Variants in EPHB4 observed in about 807,000 individuals in gnomAD.
EPHB4 encodes the protein EPH receptor B4.
EPHB4 carries 50 observed loss-of-function variants against 110.6 expected under a neutral mutation model. The ratio of observed to expected loss-of-function variants is 0.45; its 90% CI spans 0.36 to 0.57. The LOEUF is 0.57. Ranked by LOEUF, EPHB4 falls within the 20% of genes least tolerant of loss-of-function variation. EPHB4 has a pLI of 0.00. For missense variants in EPHB4, 1,128 were observed against 1,382.1 expected (o/e 0.82, Z 2.91); for synonymous variants, 592 against 578.4 (o/e 1.02, Z -0.34).
intron 12 of EPHB4, 139 bp downstream of exon 12, chr7:100,812,608 G>C (rs1812961904): frequency 1.6e-6 from 2 of 1,233,026 alleles, no homozygotes; most frequent in African/African-American, 1.5e-5. Flanking sequence ...AAAAGGCAGA[G>C]GACCAGGGCT....
At chr7:100,826,926 G>A (rs867337257) in intron 1 of EPHB4, 53 bp downstream of exon 1, 2 of 1,535,578 alleles carry the variant, frequency 1.3e-6, no homozygotes, top group Non-Finnish European at 1.8e-6. Flanking sequence ...CCAGATGTTG[G>A]GGGGGAGGTC....
Position 100,823,630 on chromosome 7 carries a change from G to C in EPHB4, c.411+14C>G. The C allele has an allele frequency of 6.2e-7, 1 of 1,608,648 alleles. No homozygotes were observed. Among genetic ancestry groups the C allele is most frequent in the Non-Finnish European group, 8.5e-7 (1 of 1,176,746 alleles). On this transcript the variant is annotated intron_variant, in intron 3 of 16. Coordinates refer to ENST00000358173, the MANE Select transcript of EPHB4 (RefSeq NM_004444.5). Reference sequence around the variant, plus strand: ...CACCTTGGCTGTGGCTGAGCCCTGGGGGCACCCAGGTACCTTGATGTAGGG... The same window carrying C: ...CACCTTGGCTGTGGCTGAGCCCTGGCGGCACCCAGGTACCTTGATGTAGGG...
In EPHB4 at chr7:100,822,090, C is replaced by T. The variant is rs551394043; in HGVS notation, c.808+181G>A. Among the ~76,000 whole-genome samples, 8 of 152,190 alleles carry T rather than the reference C, an allele frequency of 5.3e-5. No individual in the cohort carries two copies. The South Asian group carries it at 1.0e-3, about 20-fold the overall frequency. ...CAGGAGAACTGCTTGAACAGGGACCCGGGAGGCAAAGGTTGCAGTTGAGCA... is the reference window on the plus strand; with the variant it reads ...CAGGAGAACTGCTTGAACAGGGACCTGGGAGGCAAAGGTTGCAGTTGAGCA... On this transcript the variant is annotated intron_variant, in intron 4 of 16. Transcript: ENST00000358173. This position sits in a 1 kb window ranked among gnomAD's most constrained non-coding sequence, Gnocchi z 4.7.
chr7:100,813,968 C>A lies in EPHB4; in HGVS notation c.1642G>T (p.Gly548Cys). Reference protein sequence around the residue: ...LALIAGTAVVGVVLVLVVIVV... With the variant: ...LALIAGTAVVCVVLVLVVIVV... Reference sequence around the variant, plus strand: ...ATGACCACCAGGACCAGGACCACACCCACGACTGCCGTGCCCGCAATCAGG... The same window carrying A: ...ATGACCACCAGGACCAGGACCACACACACGACTGCCGTGCCCGCAATCAGG... The change falls in exon 9 of 17, where the codon GGT (glycine) becomes TGT (cysteine). Residue 548 changes from glycine to cysteine, a missense_variant. Gly to Cys is a radical substitution (Grantham distance 159, BLOSUM62 -3). Around this residue, in one of 3 missense-constraint regions of EPHB4, gnomAD observed 728 missense variants for 828.6 expected, o/e 0.88. Transcript: ENST00000358173. 6.2e-7 allele frequency: 1 copy of A among 1,614,150 alleles called. No homozygotes were observed. Among genetic ancestry groups the A allele is most frequent in the Non-Finnish European group, 8.5e-7 (1 of 1,180,026 alleles).
At position 100,820,272 on chromosome 7, in the gene EPHB4, G is replaced by A. The variant is rs751695209; in HGVS notation, c.833C>T (p.Pro278Leu). The A allele has an allele frequency of 1.9e-6, 3 of 1,613,980 alleles. No individual in the cohort carries two copies. The highest frequency in any genetic ancestry group is 2.2e-5 in the South Asian group (2 of 91,080). ...CTGGCAGGACCCTTCTCCTGACAGG[G>A]GCTTGAAGGTGCCCTGGGCACAGGC... ...CRACAQGTFKPLSGEGSCQPC... is the reference protein window; with the variant it reads ...CRACAQGTFKLLSGEGSCQPC... The change falls in exon 5 of 17, where the codon CCC becomes CTC. Residue 278 changes from proline (P) to leucine (L), a missense_variant. By Grantham distance (98) the Pro-to-Leu change is moderately conservative. Coordinates refer to ENST00000358173, the MANE Select transcript of EPHB4 (RefSeq NM_004444.5).
intron 12 of EPHB4, 86 bp from the exon 13 acceptor site, chr7:100,807,666 G>C (rs1308551112): frequency 7.1e-7 from 1 of 1,410,580 alleles, no homozygotes; most frequent in Non-Finnish European, 9.7e-7. Context: ...TTTAGAGACA[G>C]GGTCTTGTTC....
intron 8 of EPHB4, 141 bp downstream of exon 8, chr7:100,817,051 C>T (rs936800394): frequency 9.7e-7 from 1 of 1,028,668 alleles, no homozygotes; most frequent in South Asian, 2.5e-5. Context: ...CCACTGCACT[C>T]CAGCCTGAGG....
At position 100,819,766 on chromosome 7, in the gene EPHB4, T is replaced by C; in HGVS notation, c.1088A>G (p.Glu363Gly). Reference sequence around the variant, plus strand: ...CGCACAGGAGCCTCCGGGTCGGCACTCCCGGCAGCGGAGGGCGTAGGTGAG... The same window carrying C: ...CGCACAGGAGCCTCCGGGTCGGCACCCCCGGCAGCGGAGGGCGTAGGTGAG... ...EDLTYALRCRECRPGGSCAPC... is the reference protein window; with the variant it reads ...EDLTYALRCRGCRPGGSCAPC... The change falls in exon 6 of 17, where the codon GAG (glutamate) becomes GGG (glycine). Residue 363 changes from glutamate (E) to glycine (G), a missense_variant. Glu to Gly is a moderately conservative substitution (Grantham distance 98, BLOSUM62 -2). Around this residue, in one of 3 missense-constraint regions of EPHB4, gnomAD observed 728 missense variants for 828.6 expected, o/e 0.88. Coordinates refer to ENST00000358173, the MANE Select transcript of EPHB4 (RefSeq NM_004444.5). 3 of 1,597,500 alleles carry C rather than the reference T, an allele frequency of 1.9e-6. No individual in the cohort carries two copies. Among genetic ancestry groups the C allele is most frequent in the Non-Finnish European group, 2.6e-6 (3 of 1,172,504 alleles).
At chr7:100,824,328 A>G in intron 1 of EPHB4, 55 bp from the exon 2 acceptor site, 1 of 1,587,180 alleles carries the variant, frequency 6.3e-7, no homozygotes, top group Non-Finnish European at 8.7e-7. Context: ...GGAGGTCAGG[A>G]AGACCAGATC....
chr7:100,822,379 T>C lies in EPHB4; in HGVS notation c.700A>G (p.Ser234Gly). ...TCCTCACGGCAGTAGAGGCTGGGGC[T>C]GGGGCCAGGGGCGGGGACGGCATCC... ...VVDAVPAPGPSPSLYCREDGQ... is the reference protein window; with the variant it reads ...VVDAVPAPGPGPSLYCREDGQ... Residue 234 changes from serine to glycine, a missense_variant, in exon 4 of 17, where the codon AGC becomes GGC. Transcript: ENST00000358173. The surrounding 1 kb of genome is among the most constrained non-coding windows in gnomAD (Gnocchi z 4.7). 2 of 1,574,214 alleles carry C rather than the reference T, an allele frequency of 1.3e-6. No homozygotes were observed. Among genetic ancestry groups the C allele is most frequent in the Non-Finnish European group, 1.7e-6 (2 of 1,158,930 alleles).
At position 100,807,227 on chromosome 7, in the gene EPHB4, A is replaced by C. The variant is rs1009943813; in HGVS notation, c.2334+138T>G. The C allele has an allele frequency of 1.5e-5, 12 of 818,900 alleles. No individual in the cohort carries two copies. In the South Asian group the frequency reaches 2.1e-4, roughly 14 times the overall value. 50.7% of individuals were successfully genotyped at this position (818,900 alleles called of 1,614,324 possible). On this transcript the variant is annotated intron_variant, in intron 13 of 16. Transcript: ENST00000358173. ...TCTGGAAGTCGGCTTCCTGGAGCTG[A>C]CTGTCCCCCCACCCACAGCCTGCTC...
intron 14 of EPHB4, 105 bp from the exon 15 acceptor site, chr7:100,805,799 G>GC (rs1562966929): frequency 3.5e-6 from 4 of 1,151,976 alleles, no homozygotes; most frequent in Non-Finnish European, 4.6e-6. Flanking sequence ...AGGAGCCACA[G>GC]CCCCCCAAAA....
chr7:100,812,966 C>T lies in EPHB4; in HGVS notation c.1899G>A (p.Arg633=), dbSNP rs1281374058. The stretch of plus-strand genomic sequence containing the variant: ...TCTCCTTCTTCCCTGGGGCCTTGAG[C>T]CGCCCCCGGCACACCTCGCCAAACT... ...AGEFGEVCRG[R]LKAPGKKESC... is the part of the protein sequence containing the mutation. The change falls in exon 12 of 17, where the codon CGG becomes CGA. Residue 633 remains arginine (R), a synonymous_variant. Transcript: ENST00000358173. 1 of 1,613,904 alleles carries T rather than the reference C, an allele frequency of 6.2e-7. No individual in the cohort carries two copies. The highest frequency in any genetic ancestry group is 1.1e-5 in the South Asian group (1 of 91,086).
intron 5 of EPHB4, 27 bp from the exon 6 acceptor site, chr7:100,819,916 A>G: frequency 2.0e-6 from 3 of 1,530,824 alleles, no homozygotes; most frequent in Non-Finnish European, 2.6e-6. Flanking sequence ...AGTCAGGCAG[A>G]GGCCGACCTG....
chr7:100,806,575 G>GA lies in EPHB4; in HGVS notation c.2335-7dup, dbSNP rs1456012489. 1.2e-6 allele frequency: 2 copies of GA among 1,611,188 alleles called. No homozygotes were observed. The highest frequency in any genetic ancestry group is 1.7e-4 in the Middle Eastern group (1 of 6,046). On this transcript the variant is annotated splice_region_variant and splice_polypyrimidine_tract_variant and intron_variant, in intron 13 of 16. Transcript: ENST00000358173. Reference sequence around the variant, plus strand: ...CGGATGGGAATCTTTCCTCCCTGCAGAAAAAGGAGAAAAGGTGAGCTGGGG... The same window carrying GA: ...CGGATGGGAATCTTTCCTCCCTGCAGAAAAAAGGAGAAAAGGTGAGCTGGGG...
intron 2 of EPHB4, 42 bp from the exon 3 acceptor site, chr7:100,823,973 C>G (rs779034499): frequency 6.5e-7 from 1 of 1,538,344 alleles, no homozygotes; most frequent in South Asian, 1.2e-5. Flanking sequence ...GGGGAGCCGC[C>G]AGGGAGAGGG....
intron 3 of EPHB4, among the ~76,000 whole-genome samples, chr7:100,823,287 G>C (rs1009520917): frequency 7.2e-5 from 11 of 152,128 alleles, no homozygotes; most frequent in Non-Finnish European, 1.3e-4. Flanking sequence ...GAGGCAGAGA[G>C]GCCCCCAGGT....
At chr7:100,826,179 G>A (rs913632902) in intron 1 of EPHB4, among the ~76,000 whole-genome samples, 30 of 152,346 alleles carry the variant, frequency 2.0e-4, no homozygotes, top group African/African-American at 6.3e-4. Flanking sequence ...AGGGGACCAG[G>A]AGGGACAGCG....
chr7:100,815,107 T>C (rs1813034930), intron 8 of EPHB4, among the ~76,000 whole-genome samples: 1 of 150,690 alleles, frequency 6.6e-6, no homozygotes, highest in African/African-American at 2.4e-5. Flanking sequence ...TTGCCTGAGC[T>C]CAGGAGTTCG....
Sources: gnomAD v4.1 joint callset for allele counts (sites outside exome capture counted in the v4.1 genomes callset) on GRCh38, gnomAD v4.1.1 for gene constraint, gnomAD v4.1.1 regional missense constraint, Gnocchi (gnomAD v3.1) non-coding constraint, MANE v1.5 for transcripts, NCBI Gene and HGNC (gene_info 2026-07-23, HGNC 2026-07-21) for gene names.